GPC5: variants seen among roughly 807,000 people sequenced by gnomAD.
The protein encoded by GPC5 is glypican 5.
Under a neutral mutation model 53.9 loss-of-function variants are expected in GPC5, and 47 were observed. The observed-to-expected ratio is 0.87, with a 90% CI of 0.69 to 1.11. The LOEUF (loss-of-function observed/expected upper bound fraction) is 1.11. Among genes scored for constraint, GPC5 ranks in the 50% most tolerant of loss-of-function variants. The pLI is 0.00. For synonymous variants in GPC5, 286 were observed against 263.3 expected (o/e 1.09, Z -0.84); for missense variants, 748 against 713.1 (o/e 1.05, Z -0.56).
chr13:91,811,203 G>T (rs545802651), intron 5 of GPC5, among the ~76,000 whole-genome samples: 2 of 151,982 alleles, frequency 1.3e-5, no homozygotes, highest in East Asian at 1.9e-4. Flanking sequence ...AAATAATTTT[G>T]TTTCAGAATA....
At chr13:92,663,563 C>T (rs1886421297) in intron 7 of GPC5, among the ~76,000 whole-genome samples, 2 of 129,536 alleles carry the variant, frequency 1.5e-5, no homozygotes, top group African/African-American at 5.5e-5. Context: ...ATGGTGAAAC[C>T]CTGTTTCTAC....
chr13:92,648,749 C>T (rs954386603), intron 7 of GPC5, among the ~76,000 whole-genome samples: 1 of 151,958 alleles, frequency 6.6e-6, no homozygotes, highest in Non-Finnish European at 1.5e-5. Flanking sequence ...AACATTGATC[C>T]CTGTTAAAAT....
intron 7 of GPC5, among the ~76,000 whole-genome samples, chr13:92,445,093 T>C (rs1877743803): frequency 6.6e-6 from 1 of 152,042 alleles, no homozygotes; most frequent in East Asian, 1.9e-4. Context: ...GTATCATTGG[T>C]CTTTATTTTT....
At chr13:91,883,336 C>T (rs577774857) in intron 5 of GPC5, among the ~76,000 whole-genome samples, 1 of 152,308 alleles carries the variant, frequency 6.6e-6, no homozygotes, top group South Asian at 2.1e-4. Flanking sequence ...ACTTGTCATA[C>T]TCTATTGATT....
chr13:91,560,588 C>T (rs2031202666), intron 2 of GPC5, among the ~76,000 whole-genome samples: 1 of 152,066 alleles, frequency 6.6e-6, no homozygotes, highest in Non-Finnish European at 1.5e-5. Context: ...AGGTAGCCCA[C>T]TGGAGTATAG....
chr13:92,115,913 G>T (rs2041596809), intron 6 of GPC5, among the ~76,000 whole-genome samples: 4 of 151,922 alleles, frequency 2.6e-5, no homozygotes, highest in Admixed American at 2.6e-4. Context: ...GTTAAATAAG[G>T]TCATCAGAGT....
intron 7 of GPC5, among the ~76,000 whole-genome samples, chr13:92,387,303 A>C (rs1234839040): frequency 3.3e-5 from 5 of 152,082 alleles, no homozygotes; most frequent in Admixed American, 1.3e-4. Flanking sequence ...GGTAATGTAG[A>C]TGTTGTGAGC....
chr13:92,023,318 A>G (rs979778703), intron 6 of GPC5, among the ~76,000 whole-genome samples: 2 of 152,090 alleles, frequency 1.3e-5, no homozygotes, highest in African/African-American at 4.8e-5. Flanking sequence ...GATCCTAAAA[A>G]TAATTTTTCC....
intron 5 of GPC5, among the ~76,000 whole-genome samples, chr13:91,883,404 C>T (rs188015418): frequency 6.6e-5 from 10 of 152,240 alleles, no homozygotes; most frequent in South Asian, 6.2e-4. Flanking sequence ...TATTTTTTGA[C>T]GAGAAGAATA....
chr13:92,074,596 T>C (rs1199795300), intron 6 of GPC5, among the ~76,000 whole-genome samples: 1 of 152,186 alleles, frequency 6.6e-6, no homozygotes, highest in Non-Finnish European at 1.5e-5. Flanking sequence ...GATAAAGAAG[T>C]ATGTAATTCA....
intron 2 of GPC5, among the ~76,000 whole-genome samples, chr13:91,643,009 C>T (rs2034469328): frequency 6.6e-6 from 1 of 152,020 alleles, no homozygotes; most frequent in Non-Finnish European, 1.5e-5. Flanking sequence ...ATATTGGAAG[C>T]TACATTGAGT....
intron 2 of GPC5, among the ~76,000 whole-genome samples, chr13:91,449,732 T>G (rs889940257): frequency 1.3e-5 from 2 of 152,124 alleles, no homozygotes; most frequent in Non-Finnish European, 2.9e-5. Flanking sequence ...GATATAAAAT[T>G]AATAGGTTAT....
chr13:92,695,003 G>C (rs572211722), intron 7 of GPC5, among the ~76,000 whole-genome samples: 1 of 152,174 alleles, frequency 6.6e-6, no homozygotes, highest in South Asian at 2.1e-4. Flanking sequence ...CAGTTCCTAC[G>C]TCACTCTCTC....
intron 7 of GPC5, among the ~76,000 whole-genome samples, chr13:92,458,490 G>A (rs576911545): frequency 6.6e-6 from 1 of 152,152 alleles, no homozygotes; most frequent in Admixed American, 6.5e-5. Flanking sequence ...GTAGAGACGG[G>A]GTTTCACCAT....
intron 6 of GPC5, among the ~76,000 whole-genome samples, chr13:91,935,363 C>G (rs1224561669): frequency 6.6e-6 from 1 of 151,914 alleles, no homozygotes; most frequent in Non-Finnish European, 1.5e-5. Flanking sequence ...GCCATGACTG[C>G]AGAGCCCTCA....
At chr13:91,919,649 G>C (rs577136516) in intron 6 of GPC5, among the ~76,000 whole-genome samples, 426 of 152,172 alleles carry the variant, frequency 2.8e-3, no homozygotes, top group Non-Finnish European at 4.7e-3. Flanking sequence ...GCGAAAGACA[G>C]GCGTGTATTG....
At chr13:91,975,599 A>G (rs996526579) in intron 6 of GPC5, among the ~76,000 whole-genome samples, 2 of 152,232 alleles carry the variant, frequency 1.3e-5, no homozygotes, top group African/African-American at 4.8e-5. Context: ...TAGAAAGGTG[A>G]TCATTAAAAA....
chr13:92,227,933 T>A (rs540691764), intron 7 of GPC5, among the ~76,000 whole-genome samples: 1 of 152,280 alleles, frequency 6.6e-6, no homozygotes, highest in East Asian at 1.9e-4. Context: ...TAACACATTT[T>A]GTGTGTCATA....
Position 91,983,014 on chromosome 13 carries a change from T to C in GPC5, c.1401+74957T>C, listed in dbSNP as rs145518791. Among the ~76,000 whole-genome samples, 225 of 149,244 alleles carry C rather than the reference T, an allele frequency of 1.5e-3. 2 individuals are homozygous for C. The highest frequency in any genetic ancestry group is 5.2e-3 in the African/African-American group (213 of 41,304). On this transcript the variant is annotated intron_variant, in intron 6 of 7. Coordinates refer to ENST00000377067, the MANE Select transcript of GPC5 (RefSeq NM_004466.6). ...TCTTATTATCCCATAGAAAGAGTTA[T>C]GCTTGGGTTAGTACAACTGGACTAA...
Sources: gnomAD v4.1 joint callset for allele counts (sites outside exome capture counted in the v4.1 genomes callset) on GRCh38, gnomAD v4.1.1 for gene constraint, MANE v1.5 for transcripts, NCBI Gene and HGNC (gene_info 2026-07-23, HGNC 2026-07-21) for gene names.